The following KIAA1217 variants were observed in gnomAD, a reference collection of about 807,000 sequenced individuals.
KIAA1217 encodes sickle tail protein homolog.
KIAA1217 carries 88 observed loss-of-function variants against 163.9 expected under a neutral mutation model. The observed-to-expected ratio is 0.54, with a 90% CI of 0.45 to 0.64. The LOEUF (loss-of-function observed/expected upper bound fraction) is 0.64, where lower values mean the gene tolerates loss of function less well. Among genes scored for constraint, KIAA1217 ranks in the 30% least tolerant of loss-of-function variants. The pLI, the probability that KIAA1217 is intolerant of heterozygous loss-of-function variation, is 0.00. For synonymous variants in KIAA1217, 903 were observed against 923.1 expected, an observed-to-expected ratio of 0.98 and a Z score of 0.39; for missense variants, 2,372 against 2,475.0, an observed-to-expected ratio of 0.96 and a Z score of 0.88.
At chr10:24,187,514 T>A (rs1265804359) in intron 2 of KIAA1217, among the ~76,000 whole-genome samples, 1 of 152,230 alleles carries the variant, frequency 6.6e-6, no homozygotes, top group Non-Finnish European at 1.5e-5. Flanking sequence ...AGAGAACCAG[T>A]ACACTTGAAG....
chr10:24,509,447 C>G (rs1013540320), intron 9 of KIAA1217, among the ~76,000 whole-genome samples: 2 of 152,220 alleles, frequency 1.3e-5, no homozygotes, highest in African/African-American at 2.4e-5. Context: ...AGGATTGAAA[C>G]AGAGCCTCTC....
Position 24,365,566 on chromosome 10 carries a change from G to A in KIAA1217, c.355-15303G>A, listed in dbSNP as rs2050668872. Among the ~76,000 whole-genome samples, 3 of 152,120 alleles carry A rather than the reference G, an allele frequency of 2.0e-5. No individual in the cohort carries two copies. In the South Asian group the frequency reaches 6.2e-4, roughly 32 times the overall value. On this transcript the variant is annotated intron_variant, in intron 2 of 20. Coordinates refer to ENST00000376454, the MANE Select transcript of KIAA1217 (RefSeq NM_019590.5). ...TAAACTTCAGAGCAGAGAATCAGAGGGCCCTAAGCAACCCTCACCTTTCTG... is the reference window on the plus strand; with the variant it reads ...TAAACTTCAGAGCAGAGAATCAGAGAGCCCTAAGCAACCCTCACCTTTCTG...
intron 1 of KIAA1217, among the ~76,000 whole-genome samples, chr10:23,780,749 C>G (rs920598579): frequency 6.6e-6 from 1 of 152,178 alleles, no homozygotes; most frequent in African/African-American, 2.4e-5. Flanking sequence ...GGTGCCATCT[C>G]AGCTCACCGC....
chr10:24,253,810 GA>G (rs2131570926), intron 2 of KIAA1217, among the ~76,000 whole-genome samples: 1 of 152,160 alleles, frequency 6.6e-6, no homozygotes, highest in Admixed American at 6.5e-5. Flanking sequence ...AGCTGCTCGG[GA>G]GGTTGAAGCG....
At chr10:24,032,528 T>C (rs139233619) in intron 2 of KIAA1217, among the ~76,000 whole-genome samples, 1 of 152,156 alleles carries the variant, frequency 6.6e-6, no homozygotes, top group East Asian at 1.9e-4. Flanking sequence ...TGAGCCACCA[T>C]GCCTGGCCTC....
chr10:24,252,306 G>A (rs2074644324), intron 2 of KIAA1217, among the ~76,000 whole-genome samples: 1 of 152,172 alleles, frequency 6.6e-6, no homozygotes, highest in African/African-American at 2.4e-5. Flanking sequence ...GAACTGGTGA[G>A]ATGGCTCACA....
At chr10:23,862,012 C>T (rs558930873) in intron 1 of KIAA1217, among the ~76,000 whole-genome samples, 43 of 152,284 alleles carry the variant, frequency 2.8e-4, no homozygotes, top group African/African-American at 8.9e-4. Context: ...TGACCAGAGT[C>T]ATAGACTTTA....
intron 2 of KIAA1217, among the ~76,000 whole-genome samples, chr10:24,037,295 G>C (rs1848434545): frequency 6.6e-6 from 1 of 151,994 alleles, no homozygotes; most frequent in South Asian, 2.1e-4. Context: ...GTGAAACCCT[G>C]TCTCTACTAA....
chr10:23,999,065 G>GT (rs1337422747), intron 1 of KIAA1217, among the ~76,000 whole-genome samples: 2 of 152,024 alleles, frequency 1.3e-5, no homozygotes, highest in Non-Finnish European at 2.9e-5. Context: ...GCCATATACA[G>GT]TTTTTTTCTG....
chr10:23,903,335 A>C (rs1187129601), intron 1 of KIAA1217, among the ~76,000 whole-genome samples: 1 of 152,122 alleles, frequency 6.6e-6, no homozygotes, highest in African/African-American at 2.4e-5. Context: ...AATTTTTCTC[A>C]CTATCTCAAG....
intron 2 of KIAA1217, among the ~76,000 whole-genome samples, chr10:24,099,466 A>G (rs942265474): frequency 3.3e-5 from 5 of 150,740 alleles, no homozygotes; most frequent in African/African-American, 1.2e-4. Context: ...TAGTTTGCTC[A>G]GAATGATGGT....
At chr10:24,498,620 A>C (rs1396414228) in intron 8 of KIAA1217, among the ~76,000 whole-genome samples, 1 of 152,108 alleles carries the variant, frequency 6.6e-6, no homozygotes, top group Non-Finnish European at 1.5e-5. Flanking sequence ...GGAGTTCAAG[A>C]CCACCCTGGG....
intron 1 of KIAA1217, among the ~76,000 whole-genome samples, chr10:23,856,111 T>C (rs983244486): frequency 6.6e-6 from 1 of 152,240 alleles, no homozygotes; most frequent in Admixed American, 6.5e-5. Flanking sequence ...TTCCAGTTTT[T>C]CTGCTCTGTT....
intron 1 of KIAA1217, among the ~76,000 whole-genome samples, chr10:23,993,125 G>A (rs553998089): frequency 6.3e-5 from 9 of 142,138 alleles, no homozygotes; most frequent in South Asian, 2.3e-4. Flanking sequence ...TCTGCCTCCC[G>A]GATTCAAGCA....
chr10:24,033,848 G>T (rs1026414336), intron 2 of KIAA1217, among the ~76,000 whole-genome samples: 1 of 152,158 alleles, frequency 6.6e-6, no homozygotes, highest in Non-Finnish European at 1.5e-5. Context: ...TTTGTCTATG[G>T]CTATTTTTAC....
At chr10:23,957,713 C>A (rs1377232525) in intron 1 of KIAA1217, among the ~76,000 whole-genome samples, 1 of 152,116 alleles carries the variant, frequency 6.6e-6, no homozygotes, top group East Asian at 1.9e-4. Context: ...CATACTGAGA[C>A]TCCATCTTGG....
intron 1 of KIAA1217, among the ~76,000 whole-genome samples, chr10:23,762,615 T>A (rs1457504309): frequency 1.3e-5 from 2 of 152,166 alleles, no homozygotes; most frequent in Non-Finnish European, 2.9e-5. Context: ...ATGGAATATA[T>A]CTCAAAATAA....
At chr10:24,219,547 G>A (rs1001972871) in intron 1 of KIAA1217, 79 bp from the exon 2 acceptor site, 55 of 1,221,980 alleles carry the variant, frequency 4.5e-5, no homozygotes, top group Non-Finnish European at 5.7e-5. Flanking sequence ...AACAACTGCC[G>A]CAAACCCTCT....
intron 2 of KIAA1217, among the ~76,000 whole-genome samples, chr10:24,196,898 T>C (rs1272305922): frequency 6.6e-6 from 1 of 152,160 alleles, no homozygotes; most frequent in African/African-American, 2.4e-5. Flanking sequence ...CCCTGGGGAT[T>C]GAATCTGCCT....
Sources: allele counts gnomAD v4.1 joint callset (sites outside exome capture counted in the v4.1 genomes callset), GRCh38; gene constraint gnomAD v4.1.1; transcripts MANE v1.5; gene names NCBI Gene and HGNC (gene_info 2026-07-23, HGNC 2026-07-21).